The following CDK5RAP2 variants were observed in gnomAD, a reference collection of about 807,000 sequenced individuals.
The protein encoded by CDK5RAP2 is CDK5 regulatory subunit-associated protein 2.
CDK5RAP2 carries 147 observed loss-of-function variants against 232.9 expected under a neutral mutation model. That is an observed-to-expected ratio of 0.63 (90% CI 0.55 to 0.72). The LOEUF (loss-of-function observed/expected upper bound fraction) is 0.72, where lower values mean the gene tolerates loss of function less well. Ranked by LOEUF, CDK5RAP2 falls within the 30% of genes least tolerant of loss-of-function variation. CDK5RAP2 has a pLI of 0.00. For missense variants in CDK5RAP2, 2,195 were observed against 2,231.5 expected (o/e 0.98, Z 0.33); for synonymous variants, 833 against 833.7 (o/e 1.00, Z 0.01).
rs549287534 is a variant in CDK5RAP2 at position 120,439,881 on chromosome 9, A to C, written c.3240T>G (p.Thr1080=). 5.8e-5 allele frequency: 93 copies of C among 1,614,144 alleles called. No individual in the cohort carries two copies. In the East Asian group the frequency reaches 1.1e-3, roughly 20 times the overall value. Residue 1080 remains threonine, a synonymous_variant, in exon 24 of 38, where the codon ACT becomes ACG. Coordinates refer to ENST00000349780, the MANE Select transcript of CDK5RAP2 (RefSeq NM_018249.6). ...AAGGCTGACTCTTGGAACTCAGGTA[A>C]GTAGCTACTGAAGTTGGGCTCAGAA... is the stretch of plus-strand genomic sequence containing the variant. The part of the protein sequence containing the change: ...EDVLSPTSVA[T]YLSSKSQPSA...
At chr9:120,483,310 C>A (rs942374887) in intron 14 of CDK5RAP2, among the ~76,000 whole-genome samples, 1 of 152,240 alleles carries the variant, frequency 6.6e-6, no homozygotes, top group Non-Finnish European at 1.5e-5. Context: ...GCCAGGCCCT[C>A]GGCCCACTTG....
chr9:120,491,337 TTC>T lies in CDK5RAP2; in HGVS notation c.1450_1451del (p.Glu484LysfsTer14), dbSNP rs1312996638. 4 of 1,613,614 alleles carry T rather than the reference TTC, an allele frequency of 2.5e-6. No individual in the cohort carries two copies. The highest frequency in any genetic ancestry group is 8.5e-7 in the Non-Finnish European group (1 of 1,179,794). ...NQEQVIKHLT[E>X]STNQKDVLLQ... The stretch of plus-strand genomic sequence containing the variant: ...GCAACACGTCCTTCTGATTGGTACT[TTC>T]TGTTAGATGTTTGATCACTTGCTCT... On this transcript the variant is annotated frameshift_variant, in exon 13 of 38. Transcript: ENST00000349780. LOFTEE classifies it high-confidence loss of function.
rs1194234738 is a variant in CDK5RAP2 at position 120,407,107 on chromosome 9, A to G, written c.4868T>C (p.Leu1623Pro). Residue 1623 changes from leucine (L) to proline (P), a missense_variant, in exon 32 of 38, where the codon CTG becomes CCG. Physicochemically the swap from Leu to Pro is moderately conservative, Grantham distance 98. Coordinates refer to ENST00000349780, the MANE Select transcript of CDK5RAP2 (RefSeq NM_018249.6). ...CTGTGCCTTCTCTGCCCCCCTTGCC[A>G]GCTGTTCCTTGAGCCTGCTCTGCAG... is the stretch of plus-strand genomic sequence containing the variant. Reference protein sequence around the residue: ...STLQSRLKEQLARGAEKAQEG... With the variant: ...STLQSRLKEQPARGAEKAQEG... 1.2e-6 allele frequency: 2 copies of G among 1,614,070 alleles called. No homozygotes were observed. The highest frequency in any genetic ancestry group is 2.2e-5 in the South Asian group (2 of 91,088).
chr9:120,504,971 C>A (rs2039742134), intron 12 of CDK5RAP2, among the ~76,000 whole-genome samples: 1 of 152,212 alleles, frequency 6.6e-6, no homozygotes, highest in South Asian at 2.1e-4. Context: ...CCAACATTTT[C>A]TTCTATAAAC....
At chr9:120,488,381 TATTC>T (rs944149621) in intron 13 of CDK5RAP2, among the ~76,000 whole-genome samples, 208 of 152,342 alleles carry the variant, frequency 1.4e-3, no homozygotes, top group African/African-American at 4.9e-3. Context: ...TAAATTACAC[TATTC>T]ATTTTCATTT....
At chr9:120,411,285 C>T (rs1307136701) in intron 29 of CDK5RAP2, 73 bp downstream of exon 29, 34 of 926,490 alleles carry the variant, frequency 3.7e-5, no homozygotes, top group Non-Finnish European at 6.0e-5. Flanking sequence ...GGTCAGACTC[C>T]AATGCCTGCA....
chr9:120,422,858 A>G, intron 25 of CDK5RAP2, 117 bp from the exon 26 acceptor site: 1 of 754,416 alleles, frequency 1.3e-6, no homozygotes. Context: ...AACACTCTGT[A>G]ACAATCCTGG....
chr9:120,533,340 C>A (rs908932585), intron 7 of CDK5RAP2, among the ~76,000 whole-genome samples: 3 of 152,154 alleles, frequency 2.0e-5, no homozygotes, highest in African/African-American at 7.2e-5. Context: ...ATACACCCAA[C>A]CACATCCTAG....
At chr9:120,477,941 G>C (rs2038106150) in intron 14 of CDK5RAP2, among the ~76,000 whole-genome samples, 1 of 152,220 alleles carries the variant, frequency 6.6e-6, no homozygotes, top group Admixed American at 6.5e-5. Context: ...TGATGATGAA[G>C]AAATCTGAGT....
At position 120,557,599 on chromosome 9, in the gene CDK5RAP2, T is replaced by A. The variant is rs572966262; in HGVS notation, c.196-6697A>T. ...GGCGAAACCACTTCTCTACAAAAAA[T>A]TTTTTAAAAATTAGCTGGGTATAGT... On this transcript the variant is annotated intron_variant, in intron 3 of 37. Coordinates refer to ENST00000349780, the MANE Select transcript of CDK5RAP2 (RefSeq NM_018249.6). Among the ~76,000 whole-genome samples, 9 of 151,866 alleles carry A rather than the reference T, an allele frequency of 5.9e-5. No individual in the cohort carries two copies. In the East Asian group the frequency reaches 1.4e-3, roughly 23 times the overall value.
intron 14 of CDK5RAP2, among the ~76,000 whole-genome samples, chr9:120,479,369 A>G (rs1457107124): frequency 6.6e-6 from 1 of 152,206 alleles, no homozygotes; most frequent in Admixed American, 6.5e-5. Flanking sequence ...ACTAGTAGGT[A>G]AAAGTCAAGA....
At chr9:120,536,633 A>G (rs1456589841) in intron 6 of CDK5RAP2, 107 bp from the exon 7 acceptor site, 1 of 1,075,814 alleles carries the variant, frequency 9.3e-7, no homozygotes, top group South Asian at 1.3e-5. Flanking sequence ...TCTCCAGCAC[A>G]TTTCCCCTCC....
At chr9:120,508,329 G>A (rs1398892263) in intron 12 of CDK5RAP2, among the ~76,000 whole-genome samples, 1 of 152,186 alleles carries the variant, frequency 6.6e-6, no homozygotes, top group East Asian at 1.9e-4. Flanking sequence ...CAGATGATGT[G>A]TGGAGGTGGG....
At position 120,443,826 on chromosome 9, in the gene CDK5RAP2, A is replaced by G. The variant is rs921567070; in HGVS notation, c.3026-84T>C. 20 of 1,577,192 alleles carry G rather than the reference A, an allele frequency of 1.3e-5. No homozygotes were observed. The African/African-American group carries it at 2.6e-4, about 20-fold the overall frequency. On this transcript the variant is annotated intron_variant, in intron 22 of 37. Coordinates refer to ENST00000349780, the MANE Select transcript of CDK5RAP2 (RefSeq NM_018249.6). ...CCAAGCAACTGAGAAGAACACAAAG[A>G]TACAACAGGGAAAATAAAAACACTG...
At chr9:120,433,573 T>C (rs2035401845) in intron 25 of CDK5RAP2, among the ~76,000 whole-genome samples, 1 of 152,246 alleles carries the variant, frequency 6.6e-6, no homozygotes, top group South Asian at 2.1e-4. Flanking sequence ...CCAGCTCCAA[T>C]GACTGCATTC....
At chr9:120,545,689 G>A in intron 5 of CDK5RAP2, 25 bp downstream of exon 5, 1 of 1,590,236 alleles carries the variant, frequency 6.3e-7, no homozygotes, top group South Asian at 1.1e-5. Context: ...CGACTTGCAA[G>A]CTTTCAACGG....
At chr9:120,512,326 G>T (rs1369712574) in intron 12 of CDK5RAP2, among the ~76,000 whole-genome samples, 1 of 152,210 alleles carries the variant, frequency 6.6e-6, no homozygotes, top group Admixed American at 6.5e-5. Context: ...AACAGCCTGA[G>T]TGACAGAGTG....
At chr9:120,454,297 A>C (rs1227407294) in intron 20 of CDK5RAP2, among the ~76,000 whole-genome samples, 1 of 152,214 alleles carries the variant, frequency 6.6e-6, no homozygotes, top group Non-Finnish European at 1.5e-5. Flanking sequence ...ATGGCTTTAG[A>C]TGAATCTGGC....
chr9:120,462,548 C>T (rs1235379890), intron 18 of CDK5RAP2, among the ~76,000 whole-genome samples: 1 of 152,026 alleles, frequency 6.6e-6, no homozygotes, highest in East Asian at 1.9e-4. Context: ...CTGTAATACA[C>T]TCATGCAATG....
Sources: gnomAD v4.1 joint callset for allele counts (sites outside exome capture counted in the v4.1 genomes callset) on GRCh38, gnomAD v4.1.1 for gene constraint, MANE v1.5 for transcripts, NCBI Gene and HGNC (gene_info 2026-07-23, HGNC 2026-07-21) for gene names.